The following STAU2 variants were observed in gnomAD, a reference collection of about 807,000 sequenced individuals.
The protein encoded by STAU2 is double-stranded RNA-binding protein Staufen homolog 2.
In STAU2, 20 loss-of-function variants were observed where a neutral mutation model predicts 65.9. The observed-to-expected ratio is 0.30, with a 90% confidence interval of 0.21 to 0.44. The LOEUF (loss-of-function observed/expected upper bound fraction) is 0.44, where lower values mean the gene tolerates loss of function less well. Ranked by LOEUF, STAU2 falls within the 20% of genes least tolerant of loss-of-function variation. The pLI is 1.00. For missense variants in STAU2, 558 were observed against 683.9 expected (o/e 0.82, Z 2.05); for synonymous variants, 232 against 233.9 (o/e 0.99, Z 0.07).
chr8:73,510,469 CTA>C (rs1822327860), intron 13 of STAU2, among the ~76,000 whole-genome samples: 1 of 152,144 alleles, frequency 6.6e-6, no homozygotes, highest in Admixed American at 6.5e-5. Flanking sequence ...TAACTATAAA[CTA>C]TGTATTTTTA....
intron 12 of STAU2, among the ~76,000 whole-genome samples, chr8:73,569,337 C>G (rs917247426): frequency 2.6e-5 from 4 of 152,174 alleles, no homozygotes. Context: ...GAGCCCACCA[C>G]AGCTCAAGGA....
At position 73,582,795 on chromosome 8, in the gene STAU2, A is replaced by C. The variant is rs1280094934; in HGVS notation, c.1197T>G (p.Pro399=). 1 of 1,612,568 alleles carries C rather than the reference A, an allele frequency of 6.2e-7. No homozygotes were observed. Among genetic ancestry groups the C allele is most frequent in the Admixed American group, 1.7e-5 (1 of 60,016 alleles). The change falls in exon 12 of 15, where the codon CCT becomes CCG. Residue 399 remains proline, a synonymous_variant. Transcript: ENST00000524300. ...TATTATTTGTTGGTTCAGGAAACCC[A>C]GGCTTTGGACCACTCCATCCTTTGT... ...GENKGWSGPK[P]GFPEPTNNTP...
At chr8:73,450,396 C>G (rs932454882) in intron 13 of STAU2, among the ~76,000 whole-genome samples, 1 of 152,036 alleles carries the variant, frequency 6.6e-6, no homozygotes, top group Non-Finnish European at 1.5e-5. Context: ...GCCAAAGAGT[C>G]CATGGCTCAA....
At chr8:73,703,364 A>G (rs924029168) in intron 4 of STAU2, among the ~76,000 whole-genome samples, 4 of 152,128 alleles carry the variant, frequency 2.6e-5, no homozygotes, top group African/African-American at 9.7e-5. Flanking sequence ...GGCCCCCCCA[A>G]AAGCAGATGC....
chr8:73,710,036 C>G (rs1820786687), intron 3 of STAU2, among the ~76,000 whole-genome samples: 1 of 152,100 alleles, frequency 6.6e-6, no homozygotes, highest in Admixed American at 6.6e-5. Flanking sequence ...CACTCCTCTA[C>G]TGAGACACTG....
chr8:73,612,301 A>G (rs746795215), intron 9 of STAU2, among the ~76,000 whole-genome samples: 5 of 152,242 alleles, frequency 3.3e-5, no homozygotes, highest in Non-Finnish European at 5.9e-5. Flanking sequence ...GCATTGTTTC[A>G]GTTAATACTT....
At chr8:73,538,051 G>C (rs1806298742) in intron 13 of STAU2, among the ~76,000 whole-genome samples, 1 of 152,108 alleles carries the variant, frequency 6.6e-6, no homozygotes. Context: ...TCTTCAAAAG[G>C]GTTAAGATTG....
At chr8:73,619,050 G>C (rs1813041533) in intron 6 of STAU2, among the ~76,000 whole-genome samples, 2 of 150,166 alleles carry the variant, frequency 1.3e-5, no homozygotes, top group South Asian at 4.2e-4. Flanking sequence ...CTGGACAACT[G>C]AATTTATTAG....
intron 6 of STAU2, among the ~76,000 whole-genome samples, chr8:73,632,642 A>G (rs963304136): frequency 1.3e-5 from 2 of 152,198 alleles, no homozygotes; most frequent in Non-Finnish European, 2.9e-5. Flanking sequence ...AGAGTGATCA[A>G]GACTGACAAG....
rs80292171 is a variant in STAU2 at position 73,461,275 on chromosome 8, G to A, written c.1531-38573C>T. On this transcript the variant is annotated intron_variant, in intron 13 of 14. Transcript: ENST00000524300. ...CTCTCACTATTACACAGATATACAC[G>A]ACAGATCAAAAACAGCTCATGAGCT... Among the ~76,000 whole-genome samples, 1,252 of 152,172 alleles carry A rather than the reference G, an allele frequency of 8.2e-3. 19 individuals carry two copies. Among genetic ancestry groups the A allele is most frequent in the African/African-American group, 0.029 (1,208 of 41,510 alleles).
chr8:73,640,820 A>G (rs1263042516), intron 6 of STAU2, among the ~76,000 whole-genome samples: 2 of 152,208 alleles, frequency 1.3e-5, no homozygotes, highest in Admixed American at 6.5e-5. Flanking sequence ...CTGAATATCA[A>G]TAATGTTGCA....
At chr8:73,624,682 C>T (rs577768645) in intron 6 of STAU2, among the ~76,000 whole-genome samples, 1 of 152,268 alleles carries the variant, frequency 6.6e-6, no homozygotes, top group East Asian at 1.9e-4. Flanking sequence ...AACTGCTATA[C>T]CATGCTGCCT....
chr8:73,663,895 A>C (rs2130344859), intron 6 of STAU2, among the ~76,000 whole-genome samples: 1 of 152,330 alleles, frequency 6.6e-6, no homozygotes. Flanking sequence ...TGGCCTTACT[A>C]AATTCACTTA....
intron 13 of STAU2, among the ~76,000 whole-genome samples, chr8:73,520,387 T>C (rs966629402): frequency 4.6e-5 from 7 of 152,240 alleles, no homozygotes; most frequent in Non-Finnish European, 1.0e-4. Context: ...TTTAGATATA[T>C]TGGGTTAAAT....
intron 5 of STAU2, among the ~76,000 whole-genome samples, chr8:73,674,088 T>A (rs1817867476): frequency 6.8e-6 from 1 of 147,734 alleles, no homozygotes; most frequent in Non-Finnish European, 1.5e-5. Flanking sequence ...AATATAAATA[T>A]ATATTTGCTT....
intron 13 of STAU2, among the ~76,000 whole-genome samples, chr8:73,451,435 G>T (rs1266524785): frequency 1.3e-5 from 2 of 152,034 alleles, no homozygotes; most frequent in Non-Finnish European, 2.9e-5. Flanking sequence ...CTTGTTTGGG[G>T]CCAGAAAAGC....
chr8:73,634,305 G>A (rs931936743), intron 6 of STAU2, among the ~76,000 whole-genome samples: 4 of 151,758 alleles, frequency 2.6e-5, no homozygotes, highest in South Asian at 2.1e-4. Flanking sequence ...CGGGGTGGGC[G>A]GATCACGAGG....
chr8:73,697,153 A>G (rs1342339014), intron 4 of STAU2, among the ~76,000 whole-genome samples: 4 of 152,206 alleles, frequency 2.6e-5, no homozygotes, highest in Non-Finnish European at 2.9e-5. Flanking sequence ...TCCCAGGTTC[A>G]GGCAATTATC....
intron 8 of STAU2, 66 bp downstream of exon 8, chr8:73,615,609 T>C (rs1354265960): frequency 4.1e-5 from 51 of 1,241,928 alleles, no homozygotes; most frequent in Non-Finnish European, 5.7e-5. Flanking sequence ...ACCAGTTAAT[T>C]TGATTTGTTT....
Sources: allele counts gnomAD v4.1 joint callset (sites outside exome capture counted in the v4.1 genomes callset), GRCh38; gene constraint gnomAD v4.1.1; transcripts MANE v1.5; gene names NCBI Gene and HGNC (gene_info 2026-07-23, HGNC 2026-07-21).